The following BTBD7 variants were observed in gnomAD, a reference collection of about 807,000 sequenced individuals.
BTBD7 encodes the protein BTB/POZ domain-containing protein 7.
Under a neutral mutation model 99.9 loss-of-function variants are expected in BTBD7, and 38 were observed. That is an observed-to-expected ratio of 0.38 (90% CI 0.29 to 0.50). The LOEUF (loss-of-function observed/expected upper bound fraction) is 0.50, where lower values mean the gene tolerates loss of function less well. Among genes scored for constraint, BTBD7 ranks in the 20% least tolerant of loss-of-function variants. BTBD7 has a pLI of 0.93. For synonymous variants in BTBD7, 520 were observed against 511.4 expected, an observed-to-expected ratio of 1.02 and a Z score of -0.23; for missense variants, 1,170 against 1,394.6, an observed-to-expected ratio of 0.84 and a Z score of 2.57.
At chr14:93,311,955 T>C (rs1021227049) in intron 1 of BTBD7, among the ~76,000 whole-genome samples, 2 of 151,820 alleles carry the variant, frequency 1.3e-5, no homozygotes, top group Admixed American at 1.3e-4. Context: ...GAGTATAAAG[T>C]TAAAATAAAA....
intron 3 of BTBD7, among the ~76,000 whole-genome samples, chr14:93,279,647 A>G (rs1483492896): frequency 6.6e-6 from 1 of 152,130 alleles, no homozygotes; most frequent in Non-Finnish European, 1.5e-5. Context: ...TCCCGGGTTC[A>G]AGCGATTCTC....
chr14:93,295,894 C>A, intron 2 of BTBD7, 76 bp downstream of exon 2: 1 of 1,357,054 alleles, frequency 7.4e-7, no homozygotes, highest in South Asian at 1.2e-5. Flanking sequence ...CTTCTTTTGT[C>A]ATCTACAGAG....
intron 1 of BTBD7, among the ~76,000 whole-genome samples, chr14:93,331,122 A>G (rs1477518293): frequency 6.6e-6 from 1 of 152,210 alleles, no homozygotes; most frequent in Non-Finnish European, 1.5e-5. Context: ...AAAAATCTTC[A>G]TCAGTTACTT....
chr14:93,278,094 A>G (rs2052676659), intron 3 of BTBD7, among the ~76,000 whole-genome samples: 1 of 152,238 alleles, frequency 6.6e-6, no homozygotes, highest in African/African-American at 2.4e-5. Context: ...GGGAAAAACC[A>G]AAGCTTTTGG....
chr14:93,261,480 A>G, intron 5 of BTBD7, 122 bp downstream of exon 5: 1 of 787,640 alleles, frequency 1.3e-6, no homozygotes, highest in Non-Finnish European at 2.2e-6. Context: ...TGGTGGTAAA[A>G]ACTTCCATTT....
intron 3 of BTBD7, among the ~76,000 whole-genome samples, chr14:93,283,978 T>G (rs1017357273): frequency 4.6e-5 from 7 of 152,184 alleles, no homozygotes; most frequent in African/African-American, 1.7e-4. Context: ...AAGTAAGAAA[T>G]AAAAAGATAC....
intron 3 of BTBD7, among the ~76,000 whole-genome samples, chr14:93,283,913 A>G (rs1410978359): frequency 1.3e-5 from 2 of 152,210 alleles, no homozygotes; most frequent in African/African-American, 4.8e-5. Context: ...CAATAGACAA[A>G]GAAATACTGG....
intron 1 of BTBD7, among the ~76,000 whole-genome samples, chr14:93,315,067 T>TAA (rs2053183029): frequency 6.6e-6 from 1 of 152,176 alleles, no homozygotes; most frequent in Non-Finnish European, 1.5e-5. Context: ...TTTTCCTTTG[T>TAA]AACTTCTGGG....
chr14:93,261,422 G>A (rs1274912330), intron 5 of BTBD7, among the ~76,000 whole-genome samples, 180 bp downstream of exon 5: 1 of 152,094 alleles, frequency 6.6e-6, no homozygotes, highest in Admixed American at 6.6e-5. Flanking sequence ...AAGACTTTCT[G>A]ATATATTTAT....
At chr14:93,295,073 G>A in intron 2 of BTBD7, 136 bp from the exon 3 acceptor site, 1 of 864,262 alleles carries the variant, frequency 1.2e-6, no homozygotes, top group Non-Finnish European at 1.7e-6. Context: ...TTTTATAAAG[G>A]AAGACAAAAA....
chr14:93,287,228 C>CAAAA (rs528012658), intron 3 of BTBD7, among the ~76,000 whole-genome samples: 3 of 126,852 alleles, frequency 2.4e-5, no homozygotes, highest in African/African-American at 9.6e-5. Context: ...GACTCTGTCT[C>CAAAA]AAAAAAAAAA....
intron 1 of BTBD7, among the ~76,000 whole-genome samples, chr14:93,321,423 T>C (rs1035149427): frequency 6.6e-6 from 1 of 152,114 alleles, no homozygotes; most frequent in Non-Finnish European, 1.5e-5. Context: ...TGAAACCCCG[T>C]CTCTACTAAA....
intron 1 of BTBD7, among the ~76,000 whole-genome samples, chr14:93,322,261 A>C (rs1468483323): frequency 6.6e-6 from 1 of 152,190 alleles, no homozygotes; most frequent in South Asian, 2.1e-4. Flanking sequence ...CTACAGGTAC[A>C]TACCACCATA....
intron 1 of BTBD7, among the ~76,000 whole-genome samples, chr14:93,321,735 A>AT (rs1438538440): frequency 6.6e-6 from 1 of 152,170 alleles, no homozygotes; most frequent in African/African-American, 2.4e-5. Flanking sequence ...TGACTCTGCC[A>AT]TTTCTAAACT....
intron 1 of BTBD7, among the ~76,000 whole-genome samples, chr14:93,322,617 A>C (rs973154162): frequency 9.8e-5 from 15 of 152,352 alleles, no homozygotes; most frequent in South Asian, 2.1e-4. Flanking sequence ...AAGTGGATAG[A>C]GAAATATAAA....
Position 93,246,044 on chromosome 14 carries a change from G to T in BTBD7, c.2364C>A (p.His788Gln), listed in dbSNP as rs1445233537. 1 of 1,610,354 alleles carries T rather than the reference G, an allele frequency of 6.2e-7. No homozygotes were observed. The highest frequency in any genetic ancestry group is 1.4e-5 in the African/African-American group (1 of 73,898). The change falls in exon 10 of 11, where the codon CAC (histidine) becomes CAA (glutamine). Residue 788 changes from histidine (H) to glutamine (Q), a missense_variant. By Grantham distance (24) the His-to-Gln change is conservative. Transcript: ENST00000334746. ...AGGGATAAGAAAATGAACGTGAAGGGTGCTGACTGGGAGGTCTTTGCTTCC... is the reference window on the plus strand; with the variant it reads ...AGGGATAAGAAAATGAACGTGAAGGTTGCTGACTGGGAGGTCTTTGCTTCC... Reference protein sequence around the residue: ...AGWKQRPPSQHPSRSFSYPCN... With the variant: ...AGWKQRPPSQQPSRSFSYPCN...
rs1454527773 is a variant in BTBD7 at position 93,242,740 on chromosome 14, A to G, written c.2932T>C (p.Tyr978His). ...CTTGGTGATGCCTTATTGTGGCTGT[A>G]CAGATCGGGACCAAAATATCCACCT... ...SQGGYFGPDL[Y>H]SHNKASPSGL... Residue 978 changes from tyrosine to histidine, a missense_variant, in exon 11 of 11, where the codon TAC becomes CAC. Physicochemically the swap from Tyr to His is moderately conservative, Grantham distance 83. Coordinates refer to ENST00000334746, the MANE Select transcript of BTBD7 (RefSeq NM_001002860.4). 6.2e-7 allele frequency: 1 copy of G among 1,614,076 alleles called. No homozygotes were observed. The highest frequency in any genetic ancestry group is 1.3e-5 in the African/African-American group (1 of 74,932).
At chr14:93,274,567 A>C (rs1489559752) in intron 3 of BTBD7, among the ~76,000 whole-genome samples, 1 of 152,230 alleles carries the variant, frequency 6.6e-6, no homozygotes, top group Non-Finnish European at 1.5e-5. Context: ...CATGTGGCTC[A>C]TCAGTGAGTT....
rs2052203368 is a variant in BTBD7 at position 93,239,883 on chromosome 14, G to A, written c.*2390C>T. On this transcript the variant is annotated 3_prime_UTR_variant, in exon 11 of 11. Coordinates refer to ENST00000334746, the MANE Select transcript of BTBD7 (RefSeq NM_001002860.4). The stretch of plus-strand genomic sequence containing the variant: ...CTCTGGTCTAACATTTGCGGGGGGG[G>A]AAGGGTCAGGGATGAGAGTTTTTCT... 1.3e-5 allele frequency: 2 copies of A among 152,324 alleles called. No individual in the cohort carries two copies. Among genetic ancestry groups the A allele is most frequent in the East Asian group, 1.9e-4 (1 of 5,196 alleles). 9.4% of individuals were successfully genotyped at this position (152,324 alleles called of 1,614,324 possible).
Sources: allele counts gnomAD v4.1 joint callset (sites outside exome capture counted in the v4.1 genomes callset), GRCh38; gene constraint gnomAD v4.1.1; transcripts MANE v1.5; gene names NCBI Gene and HGNC (gene_info 2026-07-23, HGNC 2026-07-21).